TMEM35A: variants seen among roughly 807,000 people sequenced by gnomAD.
TMEM35A encodes the protein transmembrane protein 35A.
For missense variants in TMEM35A, 83 were observed against 132.7 expected (o/e 0.63, Z 1.84); for synonymous variants, 50 against 54.7 (o/e 0.91, Z 0.38).
chrX:101,080,907 G>A (rs1459246045), intron 1 of TMEM35A, among the ~76,000 whole-genome samples: 1 of 110,079 alleles, frequency 9.1e-6, no homozygotes, highest in African/African-American at 3.3e-5. Context: ...CCTAAGTACA[G>A]TGTTAGGCTC....
chrX:101,092,882 T>C (rs1402294300), intron 1 of TMEM35A, among the ~76,000 whole-genome samples: 1 of 110,553 alleles, frequency 9.0e-6, no homozygotes, highest in Non-Finnish European at 1.9e-5. Flanking sequence ...AATAAATAAA[T>C]AAAATAAAAT....
chrX:101,093,366 C>T lies in TMEM35A; in HGVS notation c.121-1207C>T, dbSNP rs771718357. Among the ~76,000 whole-genome samples the T allele has an allele frequency of 2.0e-3, 218 of 110,208 alleles. 3 individuals are homozygous for T. The highest frequency in any genetic ancestry group is 6.7e-3 in the African/African-American group (202 of 30,349). ...TCTTGCTCTGTCGCCCAGGCTGGAGCGCAGTGGCACGATCTTGGCTCACTG... is the reference window on the plus strand; with the variant it reads ...TCTTGCTCTGTCGCCCAGGCTGGAGTGCAGTGGCACGATCTTGGCTCACTG... On this transcript the variant is annotated intron_variant, in intron 1 of 1. Coordinates refer to ENST00000372930, the MANE Select transcript of TMEM35A (RefSeq NM_021637.3).
chrX:101,084,980 G>A (rs983800313), intron 1 of TMEM35A, among the ~76,000 whole-genome samples: 1 of 111,648 alleles, frequency 9.0e-6, no homozygotes, highest in Non-Finnish European at 1.9e-5. Context: ...CCCCCATCAA[G>A]GGTAATTACT....
intron 1 of TMEM35A, among the ~76,000 whole-genome samples, chrX:101,080,154 A>G (rs965835260): frequency 2.7e-5 from 3 of 111,439 alleles, no homozygotes; most frequent in African/African-American, 9.8e-5. Flanking sequence ...TGGGCTCTCA[A>G]GGTCAAGAGA....
Position 101,081,068 on chromosome X carries a change from C to T in TMEM35A, c.120+1946C>T, listed in dbSNP as rs745529913. On this transcript the variant is annotated intron_variant, in intron 1 of 1. Coordinates refer to ENST00000372930, the MANE Select transcript of TMEM35A (RefSeq NM_021637.3). ...GCAGCCTAATGAAAGGCAGAAGAAA[C>T]AAATATGAAGATTTCATATCATACA... Among the ~76,000 whole-genome samples the T allele has an allele frequency of 4.5e-5, 5 of 112,042 alleles. No individual in the cohort carries two copies. The East Asian group carries it at 1.4e-3, about 32-fold the overall frequency.
chrX:101,087,329 T>A (rs989955351), intron 1 of TMEM35A, among the ~76,000 whole-genome samples: 2 of 111,995 alleles, frequency 1.8e-5, no homozygotes, highest in African/African-American at 6.5e-5. Context: ...TCAAGACCCA[T>A]CCAAGCTTAG....
intron 1 of TMEM35A, among the ~76,000 whole-genome samples, chrX:101,082,143 T>C (rs1450766949): frequency 7.1e-5 from 7 of 98,425 alleles, no homozygotes; most frequent in African/African-American, 2.6e-4. Flanking sequence ...CTTTTTTTTT[T>C]TTTTTTTTTT....
At position 101,087,611 on chromosome X, in the gene TMEM35A, T is replaced by C. The variant is rs58984628; in HGVS notation, c.121-6962T>C. On this transcript the variant is annotated intron_variant, in intron 1 of 1. Transcript: ENST00000372930. ...AGTTATAGGAACTTGATTTAAAACA[T>C]GGAGTTTGGCCCCGGGCTACAGATT... Among the ~76,000 whole-genome samples the C allele has an allele frequency of 3.8e-4, 42 of 111,396 alleles. 1 individual carries two copies. The East Asian group carries it at 0.011, about 29-fold the overall frequency.
chrX:101,087,838 G>A (rs1443915431), intron 1 of TMEM35A, among the ~76,000 whole-genome samples: 1 of 110,763 alleles, frequency 9.0e-6, no homozygotes, highest in Non-Finnish European at 1.9e-5. Context: ...ATGTGGTGAA[G>A]TGTCTCTACT....
chrX:101,080,246 C>A (rs2089288093), intron 1 of TMEM35A, among the ~76,000 whole-genome samples: 1 of 111,577 alleles, frequency 9.0e-6, no homozygotes, highest in Non-Finnish European at 1.9e-5. Flanking sequence ...GGAACAGCCT[C>A]ACACATTGCG....
At chrX:101,088,874 G>C (rs7060563) in intron 1 of TMEM35A, among the ~76,000 whole-genome samples, 10,898 of 109,898 alleles carry the variant, frequency 0.099, 1,388 homozygotes, top group African/African-American at 0.35. Context: ...ACTCCAGTGT[G>C]GGTGACAGAG....
At chrX:101,092,330 GC>G (rs920540151) in intron 1 of TMEM35A, among the ~76,000 whole-genome samples, 4 of 111,788 alleles carry the variant, frequency 3.6e-5, no homozygotes, top group Admixed American at 9.5e-5. Flanking sequence ...TGAGGAACAG[GC>G]CAAAATGGAT....
At chrX:101,089,694 G>A (rs1181915543) in intron 1 of TMEM35A, among the ~76,000 whole-genome samples, 2 of 106,676 alleles carry the variant, frequency 1.9e-5, no homozygotes, top group East Asian at 2.9e-4. Flanking sequence ...GGTAGAGGCC[G>A]TAGTGAGCTC....
chrX:101,083,205 A>C (rs1484943564), intron 1 of TMEM35A, among the ~76,000 whole-genome samples: 3 of 111,797 alleles, frequency 2.7e-5, no homozygotes, highest in Non-Finnish European at 3.8e-5. Context: ...CCTTGACTAA[A>C]TGCCTTTATT....
chrX:101,090,360 G>A (rs1216660973), intron 1 of TMEM35A, among the ~76,000 whole-genome samples: 4 of 103,687 alleles, frequency 3.9e-5, no homozygotes, highest in African/African-American at 1.4e-4. Context: ...TAGAGACAGG[G>A]TTTCGCCATA....
chrX:101,085,328 C>T (rs1018368332), intron 1 of TMEM35A, among the ~76,000 whole-genome samples: 23 of 112,196 alleles, frequency 2.0e-4, no homozygotes, highest in Admixed American at 4.8e-4. Context: ...TGGCTGGGCG[C>T]GGTCGCTCAC....
intron 1 of TMEM35A, among the ~76,000 whole-genome samples, chrX:101,084,188 C>CAAAAAAA (rs746718674): frequency 2.2e-4 from 7 of 32,301 alleles, no homozygotes; most frequent in Admixed American, 4.9e-4. Flanking sequence ...AACTCCATCT[C>CAAAAAAA]AAAAAAAAAA....
chrX:101,088,144 A>G (rs758909036), intron 1 of TMEM35A, among the ~76,000 whole-genome samples: 30 of 110,629 alleles, frequency 2.7e-4, no homozygotes, highest in Non-Finnish European at 5.5e-4. Context: ...GTTGCAGTGA[A>G]CTGAGATCAT....
chrX:101,084,188 CAAAA>C (rs746718674), intron 1 of TMEM35A, among the ~76,000 whole-genome samples: 5 of 32,311 alleles, frequency 1.5e-4, no homozygotes, highest in East Asian at 1.2e-3. Flanking sequence ...AACTCCATCT[CAAAA>C]AAAAAAAAAA....
Sources: allele counts gnomAD v4.1 joint callset (sites outside exome capture counted in the v4.1 genomes callset), GRCh38; gene constraint gnomAD v4.1.1; transcripts MANE v1.5; gene names NCBI Gene and HGNC (gene_info 2026-07-23, HGNC 2026-07-21).